The following SNAI1 variants were observed in gnomAD, a reference collection of about 807,000 sequenced individuals.
The protein encoded by SNAI1 is zinc finger protein SNAI1.
A neutral mutation model predicts 24.7 loss-of-function variants in SNAI1; 15 were observed. The ratio of observed to expected loss-of-function variants is 0.61; its 90% confidence interval spans 0.41 to 0.93. The LOEUF (loss-of-function observed/expected upper bound fraction) is 0.93. SNAI1 is among the 40% of genes least tolerant of loss of function. SNAI1 has a pLI of 0.00. For missense variants in SNAI1, 283 were observed against 336.7 expected (o/e 0.84, Z 1.25); for synonymous variants, 163 against 142.9 (o/e 1.14, Z -1.00).
intron 2 of SNAI1, among the ~76,000 whole-genome samples, chr20:49,985,693 G>A (rs2078331753): frequency 6.6e-6 from 1 of 152,224 alleles, no homozygotes. Flanking sequence ...CAGTGGGTGG[G>A]GGCTGGGAGG....
intron 2 of SNAI1, 56 bp from the exon 3 acceptor site, chr20:49,987,816 T>A: frequency 6.5e-7 from 1 of 1,531,386 alleles, no homozygotes; most frequent in Non-Finnish European, 9.0e-7. Flanking sequence ...GGGATTCCCA[T>A]CACTGCCAGC....
At chr20:49,985,642 CGG>C (rs2078331592) in intron 2 of SNAI1, among the ~76,000 whole-genome samples, 1 of 151,112 alleles carries the variant, frequency 6.6e-6, no homozygotes, top group African/African-American at 2.4e-5. Context: ...TGTATCATTG[CGG>C]TCCTCATTGA....
At chr20:49,986,312 G>A (rs1203702949) in intron 2 of SNAI1, among the ~76,000 whole-genome samples, 1 of 152,118 alleles carries the variant, frequency 6.6e-6, no homozygotes, top group Non-Finnish European at 1.5e-5. Context: ...GGAGTGGCGA[G>A]TTTCCATTTC....
intron 2 of SNAI1, among the ~76,000 whole-genome samples, chr20:49,985,362 G>C (rs1412535945): frequency 6.6e-6 from 1 of 152,134 alleles, no homozygotes; most frequent in East Asian, 1.9e-4. Flanking sequence ...GGTTAGTGAG[G>C]TGTCTGGGAG....
At chr20:49,987,076 C>A (rs1236199364) in intron 2 of SNAI1, among the ~76,000 whole-genome samples, 2 of 152,196 alleles carry the variant, frequency 1.3e-5, no homozygotes, top group African/African-American at 4.8e-5. Flanking sequence ...GTTTCCGTAG[C>A]CTCTTGGGTG....
At chr20:49,985,796 A>G (rs1033661855) in intron 2 of SNAI1, among the ~76,000 whole-genome samples, 5 of 152,182 alleles carry the variant, frequency 3.3e-5, no homozygotes, top group African/African-American at 4.8e-5. Flanking sequence ...ATCCGGGGAT[A>G]TCGCATGTAC....
chr20:49,988,137 C>A lies in SNAI1; in HGVS notation c.*81C>A. The A allele has an allele frequency of 7.9e-7, 1 of 1,259,150 alleles. No homozygotes were observed. Among genetic ancestry groups the A allele is most frequent in the Non-Finnish European group, 1.1e-6 (1 of 905,622 alleles). The allele number at this position is 1,259,150 out of a possible 1,614,324, so 78.0% of individuals were successfully genotyped here. A position where few individuals can be genotyped will look rare whatever the true frequency, so the allele number is the denominator to read the frequency against. On this transcript the variant is annotated 3_prime_UTR_variant, in exon 3 of 3. Coordinates refer to ENST00000244050, the MANE Select transcript of SNAI1 (RefSeq NM_005985.4). ...GCTCCAGCAGGAAGGACCCCACATC[C>A]TTCTCACTGCCATGGAATTCCCTCC...
At position 49,983,064 on chromosome 20, in the gene SNAI1, C is replaced by T. The variant is rs750105530; in HGVS notation, c.5C>T (p.Pro2Leu). 4 of 1,613,362 alleles carry T rather than the reference C, an allele frequency of 2.5e-6. No individual in the cohort carries two copies. Among genetic ancestry groups the T allele is most frequent in the African/African-American group, 1.3e-5 (1 of 75,006 alleles). ...GACCCCAGTGCCTCGACCACTATGC[C>T]GCGCTCTTTCCTCGTCAGGAAGCCC... M[P>L]RSFLVRKPSD... Residue 2 changes from proline (P) to leucine (L), a missense_variant, in exon 1 of 3, where the codon CCG (proline) becomes CTG (leucine). Physicochemically the swap from Pro to Leu is moderately conservative, Grantham distance 98. Coordinates refer to ENST00000244050, the MANE Select transcript of SNAI1 (RefSeq NM_005985.4).
At chr20:49,986,635 T>TA (rs11482374) in intron 2 of SNAI1, among the ~76,000 whole-genome samples, 7,665 of 150,416 alleles carry the variant, frequency 0.051, 610 homozygotes, top group African/African-American at 0.17. Context: ...CTCAGTAGAT[T>TA]AAAAAAAAAA....
chr20:49,985,277 G>C (rs2078330355), intron 2 of SNAI1, among the ~76,000 whole-genome samples: 1 of 152,186 alleles, frequency 6.6e-6, no homozygotes. Context: ...ACAGTTGAGG[G>C]AGAAGATTCC....
chr20:49,988,079 T>A lies in SNAI1; in HGVS notation c.*23T>A. The A allele has an allele frequency of 6.4e-7, 1 of 1,559,886 alleles. No homozygotes were observed. The highest frequency in any genetic ancestry group is 8.7e-7 in the Non-Finnish European group (1 of 1,148,238). On this transcript the variant is annotated 3_prime_UTR_variant, in exon 3 of 3. Coordinates refer to ENST00000244050, the MANE Select transcript of SNAI1 (RefSeq NM_005985.4). ...TGACCCTCGAGGCTCCCTCTTCCTCTCCATACCTGCCCCTGCCTGACAGCC... is the reference window on the plus strand; with the variant it reads ...TGACCCTCGAGGCTCCCTCTTCCTCACCATACCTGCCCCTGCCTGACAGCC...
Position 49,988,691 on chromosome 20 carries a change from G to T in SNAI1, c.*635G>T, listed in dbSNP as rs555171436. On this transcript the variant is annotated 3_prime_UTR_variant, in exon 3 of 3. Coordinates refer to ENST00000244050, the MANE Select transcript of SNAI1 (RefSeq NM_005985.4). ...TGTCACTTGTCGGGGGCCCAAGTGGGGTGCTCTGGTCTGACCGATGTGTCT... is the reference window on the plus strand; with the variant it reads ...TGTCACTTGTCGGGGGCCCAAGTGGTGTGCTCTGGTCTGACCGATGTGTCT... 1 of 152,700 alleles carries T rather than the reference G, an allele frequency of 6.5e-6. No individual in the cohort carries two copies. The allele number at this position is 152,700 out of a possible 1,614,324, so 9.5% of individuals were successfully genotyped here.
intron 2 of SNAI1, among the ~76,000 whole-genome samples, chr20:49,986,207 C>T (rs2078333418): frequency 6.6e-6 from 1 of 152,184 alleles, no homozygotes; most frequent in Admixed American, 6.5e-5. Flanking sequence ...AATCAACAAA[C>T]CCTTCAGGCG....
In SNAI1 at chr20:49,983,961, T is replaced by C; in HGVS notation, c.220T>C (p.Trp74Arg). 1.9e-6 allele frequency: 3 copies of C among 1,613,640 alleles called. No individual in the cohort carries two copies. Among genetic ancestry groups the C allele is most frequent in the South Asian group, 1.1e-5 (1 of 91,068 alleles). The change falls in exon 2 of 3, where the codon TGG (tryptophan) becomes CGG (arginine). Residue 74 changes from tryptophan to arginine, a missense_variant. Transcript: ENST00000244050. The part of the protein sequence containing the change: ...VLAPQAQPIA[W>R]ASLRLQESPR... ...GGCGCCCCAAGCCCAGCCAATTGCC[T>C]GGGCCTCCCTTCGGCTCCAGGAGAG...
At position 49,984,182 on chromosome 20, in the gene SNAI1, T is replaced by C. The variant is rs2078326814; in HGVS notation, c.441T>C (p.Asp147=). 3 of 1,614,180 alleles carry C rather than the reference T, an allele frequency of 1.9e-6. No individual in the cohort carries two copies. The East Asian group carries it at 6.7e-5, about 36-fold the overall frequency. ...TGGCCCAGCTCTCTGAGGCCAAGGA[T>C]CTCCAGGCTCGAAAGGCCTTCAACT... is the stretch of plus-strand genomic sequence containing the variant. ...KQLAQLSEAK[D]LQARKAFNCK... The change falls in exon 2 of 3, where the codon GAT becomes GAC. Residue 147 remains aspartate, a synonymous_variant. Coordinates refer to ENST00000244050, the MANE Select transcript of SNAI1 (RefSeq NM_005985.4).
At chr20:49,983,200 G>C (rs1374837212) in intron 1 of SNAI1, 59 bp downstream of exon 1, 5 of 1,317,586 alleles carry the variant, frequency 3.8e-6, no homozygotes, top group Non-Finnish European at 5.4e-6. Context: ...AAGGCTGCGT[G>C]GGGGGCACCT....
At chr20:49,985,790 G>T (rs923064228) in intron 2 of SNAI1, among the ~76,000 whole-genome samples, 2 of 152,234 alleles carry the variant, frequency 1.3e-5, no homozygotes, top group African/African-American at 4.8e-5. Context: ...CCTTTAATCC[G>T]GGGATATCGC....
rs747141400 is a variant in SNAI1 at position 49,988,045 on chromosome 20, T to C, written c.784T>C (p.Cys262Arg). The C allele has an allele frequency of 1.3e-6, 2 of 1,599,572 alleles. No homozygotes were observed. The highest frequency in any genetic ancestry group is 3.4e-5 in the Admixed American group (2 of 59,220). ...HKHQESGCSG[C>R]PR ...GCACCAAGAGTCCGGCTGCTCAGGA[T>C]GTCCCCGCTGACCCTCGAGGCTCCC... Residue 262 changes from cysteine to arginine, a missense_variant, in exon 3 of 3, where the codon TGT becomes CGT. Physicochemically the swap from Cys to Arg is radical, Grantham distance 180. Transcript: ENST00000244050.
chr20:49,984,913 G>C (rs946844224), intron 2 of SNAI1, among the ~76,000 whole-genome samples: 2 of 152,210 alleles, frequency 1.3e-5, no homozygotes, highest in Non-Finnish European at 2.9e-5. Context: ...TCACAAAAAT[G>C]GTTCCTTGGC....
Sources: allele counts gnomAD v4.1 joint callset (sites outside exome capture counted in the v4.1 genomes callset), GRCh38; gene constraint gnomAD v4.1.1; transcripts MANE v1.5; gene names NCBI Gene and HGNC (gene_info 2026-07-23, HGNC 2026-07-21).